FSTL4: variants seen among roughly 807,000 people sequenced by gnomAD.
The protein encoded by FSTL4 is follistatin-related protein 4.
In FSTL4, 28 loss-of-function variants were observed where a neutral mutation model predicts 78.2. That is an observed-to-expected ratio of 0.36 (90% CI 0.27 to 0.49). FSTL4 has a LOEUF of 0.49. FSTL4 is among the 20% of genes least tolerant of loss of function. The pLI is 0.98. For synonymous variants in FSTL4, 422 were observed against 440.5 expected, an observed-to-expected ratio of 0.96 and a Z score of 0.53; for missense variants, 922 against 1,084.9, an observed-to-expected ratio of 0.85 and a Z score of 2.11.
chr5:133,352,271 TATATATATACACACATATATATAC>T (rs1754841734), intron 4 of FSTL4, among the ~76,000 whole-genome samples: 8 of 94,360 alleles, frequency 8.5e-5, no homozygotes, highest in South Asian at 3.0e-4. Context: ...TATACACACA[TATATATATACACACATATATATAC>T]ACACACATAT....
chr5:133,786,031 T>C, the FSTL4 span, among the ~76,000 whole-genome samples: 1 of 152,222 alleles, frequency 6.6e-6, no homozygotes. Flanking sequence ...TGTGCTGGCA[T>C]GCACCTTTTT....
the FSTL4 span, among the ~76,000 whole-genome samples, chr5:133,657,674 CAAA>C: frequency 6.6e-6 from 1 of 151,482 alleles, no homozygotes; most frequent in Non-Finnish European, 1.5e-5. Flanking sequence ...TTATATAATT[CAAA>C]ATGTTATACA....
chr5:133,297,287 A>G lies in FSTL4; in HGVS notation c.727+15367T>C, dbSNP rs139877491. 6.6e-4 allele frequency among the ~76,000 whole-genome samples: 100 copies of G among 152,296 alleles called. No individual in the cohort carries two copies. The East Asian group carries it at 0.014, about 21-fold the overall frequency. On this transcript the variant is annotated intron_variant, in intron 6 of 15. Transcript: ENST00000265342. ...AATAAGAAGAGAACACTTGGTTTTC[A>G]TGATTAAATCAGGCACAAAGATGGA...
At chr5:133,650,946 C>T in the FSTL4 span, among the ~76,000 whole-genome samples, 25 of 152,282 alleles carry the variant, frequency 1.6e-4, no homozygotes, top group East Asian at 4.8e-3. Context: ...TTTCCTCATA[C>T]AGATCTTATA....
the FSTL4 span, among the ~76,000 whole-genome samples, chr5:133,839,340 T>C: frequency 6.6e-6 from 1 of 152,220 alleles, no homozygotes; most frequent in African/African-American, 2.4e-5. Context: ...GCACAAAGAA[T>C]ATTCTGTAAA....
intron 3 of FSTL4, among the ~76,000 whole-genome samples, chr5:133,532,946 C>T (rs909269483): frequency 1.3e-5 from 2 of 152,122 alleles, no homozygotes; most frequent in African/African-American, 4.8e-5. Flanking sequence ...ATCTCCAAAC[C>T]CCAAGCATCC....
intron 4 of FSTL4, among the ~76,000 whole-genome samples, chr5:133,352,471 G>A (rs1754853180): frequency 6.6e-6 from 1 of 151,994 alleles, no homozygotes; most frequent in African/African-American, 2.4e-5. Flanking sequence ...GTGTAGTGGT[G>A]TGATCTTGGC....
At chr5:133,262,587 TCTC>T (rs1372039534) in intron 6 of FSTL4, among the ~76,000 whole-genome samples, 1 of 152,018 alleles carries the variant, frequency 6.6e-6, no homozygotes, top group East Asian at 1.9e-4. Context: ...CACAATCCCT[TCTC>T]CTTCCAAGCG....
At chr5:133,662,706 C>A in the FSTL4 span, among the ~76,000 whole-genome samples, 5 of 152,272 alleles carry the variant, frequency 3.3e-5, no homozygotes, top group East Asian at 7.7e-4. Context: ...AGTTCCAGAG[C>A]CCCTGGGAGC....
At chr5:133,753,881 T>A in the FSTL4 span, among the ~76,000 whole-genome samples, 1 of 152,180 alleles carries the variant, frequency 6.6e-6, no homozygotes, top group African/African-American at 2.4e-5. Flanking sequence ...TAAATGCAGA[T>A]AAGCCTAGGT....
intron 3 of FSTL4, among the ~76,000 whole-genome samples, chr5:133,490,389 G>C (rs1004715514): frequency 6.6e-6 from 1 of 150,946 alleles, no homozygotes; most frequent in African/African-American, 2.4e-5. Flanking sequence ...TTTTTCCAGG[G>C]GGCCAGATTT....
At chr5:133,227,210 T>A (rs1326524755) in intron 8 of FSTL4, among the ~76,000 whole-genome samples, 2 of 152,184 alleles carry the variant, frequency 1.3e-5, no homozygotes, top group African/African-American at 4.8e-5. Flanking sequence ...TCAGAGTCCT[T>A]GCCTCAGTTT....
At chr5:133,645,250 C>G in the FSTL4 span, among the ~76,000 whole-genome samples, 7 of 152,096 alleles carry the variant, frequency 4.6e-5, no homozygotes, top group Non-Finnish European at 1.0e-4. Flanking sequence ...CTGGGGTATA[C>G]CTATATGAAA....
chr5:133,243,698 G>A (rs1352631871), intron 7 of FSTL4: 1 of 152,296 alleles, frequency 6.6e-6, no homozygotes, highest in South Asian at 2.1e-4. Flanking sequence ...TATGGGATGA[G>A]CTGATGCTTA....
intron 3 of FSTL4, among the ~76,000 whole-genome samples, chr5:133,417,769 C>T (rs577233832): frequency 6.6e-6 from 1 of 151,594 alleles, no homozygotes; most frequent in South Asian, 2.1e-4. Flanking sequence ...ACCAGCTGGG[C>T]CAACAAGGTG....
chr5:133,257,593 G>C (rs1388911312), intron 6 of FSTL4, among the ~76,000 whole-genome samples: 1 of 152,156 alleles, frequency 6.6e-6, no homozygotes, highest in East Asian at 1.9e-4. Flanking sequence ...CAGTGCCCAG[G>C]GGCTGTGAGA....
At chr5:133,649,113 T>C in the FSTL4 span, among the ~76,000 whole-genome samples, 1 of 152,208 alleles carries the variant, frequency 6.6e-6, no homozygotes, top group Admixed American at 6.5e-5. Flanking sequence ...GGTTGGATCA[T>C]GTAGTACATA....
At chr5:133,569,837 T>A (rs1760110701) in intron 2 of FSTL4, among the ~76,000 whole-genome samples, 1 of 152,202 alleles carries the variant, frequency 6.6e-6, no homozygotes, top group East Asian at 1.9e-4. Flanking sequence ...TAAATATGTT[T>A]TACATTTATT....
At chr5:133,644,154 TG>T in the FSTL4 span, among the ~76,000 whole-genome samples, 1 of 152,212 alleles carries the variant, frequency 6.6e-6, no homozygotes, top group Non-Finnish European at 1.5e-5. Context: ...GAAGGTTCAC[TG>T]GACACACAGA....
Sources: gnomAD v4.1 joint callset for allele counts (sites outside exome capture counted in the v4.1 genomes callset) on GRCh38, gnomAD v4.1.1 for gene constraint, MANE v1.5 for transcripts, NCBI Gene and HGNC (gene_info 2026-07-23, HGNC 2026-07-21) for gene names.